NOXRED1: variants seen among roughly 807,000 people sequenced by gnomAD.
The protein encoded by NOXRED1 is NADP dependent oxidoreductase domain containing 1.
NOXRED1 carries 20 observed loss-of-function variants against 30.4 expected under a neutral mutation model. The ratio of observed to expected loss-of-function variants is 0.66; its 90% CI spans 0.46 to 0.96. The LOEUF (loss-of-function observed/expected upper bound fraction) is 0.96, where lower values mean the gene tolerates loss of function less well. Ranked by LOEUF, NOXRED1 falls within the 40% of genes least tolerant of loss-of-function variation. The pLI, the probability that NOXRED1 is intolerant of heterozygous loss-of-function variation, is 0.00. For missense variants in NOXRED1, 374 were observed against 428.0 expected, an observed-to-expected ratio of 0.87 and a Z score of 1.11; for synonymous variants, 155 against 168.0, an observed-to-expected ratio of 0.92 and a Z score of 0.60.
chr14:77,401,578 G>T (rs114010664), intron 5 of NOXRED1, among the ~76,000 whole-genome samples: 272 of 152,262 alleles, frequency 1.8e-3, no homozygotes, highest in African/African-American at 6.2e-3. Context: ...TGCACCTGTA[G>T]TTCTGTAGTT....
At chr14:77,424,686 C>G (rs557636979), upstream of NOXRED1, among the ~76,000 whole-genome samples, 1 of 152,310 alleles carries the variant, frequency 6.6e-6, no homozygotes, top group South Asian at 2.1e-4. Context: ...GACATGAATT[C>G]TAGGCCTATC....
intron 5 of NOXRED1, 91 bp from the exon 6 acceptor site, chr14:77,394,896 A>T: frequency 2.3e-6 from 2 of 860,134 alleles, no homozygotes; most frequent in African/African-American, 3.4e-5. Flanking sequence ...AGTTTTCCTC[A>T]TTACCTTTTC....
At chr14:77,409,657 T>C (rs1894589677) in intron 2 of NOXRED1, among the ~76,000 whole-genome samples, 1 of 152,212 alleles carries the variant, frequency 6.6e-6, no homozygotes, top group African/African-American at 2.4e-5. Flanking sequence ...ATGTTGAGCA[T>C]TTTGAATTAT....
intron 5 of NOXRED1, among the ~76,000 whole-genome samples, chr14:77,404,703 C>A (rs1297145351): frequency 6.6e-6 from 1 of 151,862 alleles, no homozygotes; most frequent in East Asian, 1.9e-4. Context: ...AGAAGCTAGC[C>A]AAGGAGGGGC....
intron 2 of NOXRED1, 33 bp downstream of exon 2, chr14:77,413,901 C>T: frequency 6.7e-7 from 1 of 1,497,374 alleles, no homozygotes; most frequent in Non-Finnish European, 9.0e-7. Flanking sequence ...ACAGCACAAC[C>T]AAGCCCCCTT....
intron 1 of NOXRED1, among the ~76,000 whole-genome samples, chr14:77,415,437 G>A (rs1429297914): frequency 4.6e-5 from 7 of 152,016 alleles, no homozygotes; most frequent in Admixed American, 4.6e-4. Flanking sequence ...CAGCATGATG[G>A]TGTAAACCTG....
At chr14:77,418,766 C>T (rs1245304541) in intron 1 of NOXRED1, among the ~76,000 whole-genome samples, 26 of 152,062 alleles carry the variant, frequency 1.7e-4, no homozygotes, top group Admixed American at 1.3e-3. Flanking sequence ...TAAGCCCAAG[C>T]AATTCTCCTG....
intron 2 of NOXRED1, among the ~76,000 whole-genome samples, chr14:77,408,892 A>ATTTTTTTTTTTTTTTTTTTTTTT (rs1177680524): frequency 0.021 from 1,450 of 68,156 alleles, 489 homozygotes; most frequent in South Asian, 0.033. Context: ...CTGGTAGTTA[A>ATTTTTTTTTTTTTTTTTTTTTTT]TTTTTTTTTT....
At chr14:77,397,284 C>A (rs1894213284) in intron 5 of NOXRED1, among the ~76,000 whole-genome samples, 1 of 152,178 alleles carries the variant, frequency 6.6e-6, no homozygotes, top group Admixed American at 6.5e-5. Context: ...TGAAAAAAGC[C>A]AGTTTCAAAA....
At chr14:77,416,579 T>C (rs1457241983) in intron 1 of NOXRED1, among the ~76,000 whole-genome samples, 1 of 152,192 alleles carries the variant, frequency 6.6e-6, no homozygotes. Flanking sequence ...CAGAACAAAA[T>C]GAAAAGTCTC....
chr14:77,406,473 A>T, intron 4 of NOXRED1: 1 of 601,216 alleles, frequency 1.7e-6, no homozygotes, highest in Non-Finnish European at 3.0e-6. Context: ...GTCCAACATT[A>T]CATCCTCCTA....
At chr14:77,405,780 G>A in intron 5 of NOXRED1, 133 bp downstream of exon 5, 1 of 623,858 alleles carries the variant, frequency 1.6e-6, no homozygotes, top group Non-Finnish European at 2.8e-6. Flanking sequence ...TTTTCCACTA[G>A]TTGAAATTCT....
chr14:77,403,016 C>T (rs1894368524), intron 5 of NOXRED1, among the ~76,000 whole-genome samples: 2 of 151,434 alleles, frequency 1.3e-5, no homozygotes, highest in African/African-American at 4.9e-5. Context: ...GCTTGGGCAA[C>T]AGAAGTGAAA....
upstream of NOXRED1, among the ~76,000 whole-genome samples, chr14:77,424,903 A>G (rs2139710607): frequency 6.6e-6 from 1 of 152,270 alleles, no homozygotes; most frequent in Middle Eastern, 3.4e-3. Context: ...CAGGGGAAGT[A>G]CTTTTGTAGT....
intron 2 of NOXRED1, among the ~76,000 whole-genome samples, chr14:77,408,892 A>ATTGTTTTTTT (rs1894556100): frequency 1.5e-5 from 1 of 68,154 alleles, no homozygotes; most frequent in Non-Finnish European, 2.7e-5. Flanking sequence ...CTGGTAGTTA[A>ATTGTTTTTTT]TTTTTTTTTT....
intron 5 of NOXRED1, among the ~76,000 whole-genome samples, chr14:77,403,635 G>C (rs1362969046): frequency 6.6e-6 from 1 of 152,026 alleles, no homozygotes; most frequent in Middle Eastern, 3.2e-3. Context: ...TCCAGCCTGG[G>C]CAGCAGAGTA....
chr14:77,408,159 C>T lies in NOXRED1; in HGVS notation c.350-514G>A, dbSNP rs554790877. On this transcript the variant is annotated intron_variant, in intron 2 of 5. Transcript: ENST00000380835. ...CAGGGATTACAGGCGTGAGCCACCA[C>T]GCCTGGCCTATAATTCACCTTTATC... 7.2e-5 allele frequency among the ~76,000 whole-genome samples: 11 copies of T among 152,144 alleles called. No individual in the cohort carries two copies. The East Asian group carries it at 9.7e-4, about 13-fold the overall frequency.
intron 1 of NOXRED1, among the ~76,000 whole-genome samples, chr14:77,417,890 A>AT (rs35970109): frequency 0.01 from 1,392 of 137,238 alleles, 42 homozygotes; most frequent in Admixed American, 0.063. Context: ...TATTTCACTG[A>AT]TTTTTTTTTT....
chr14:77,399,116 C>G (rs1207142191), intron 5 of NOXRED1, among the ~76,000 whole-genome samples: 1 of 152,154 alleles, frequency 6.6e-6, no homozygotes, highest in East Asian at 1.9e-4. Flanking sequence ...GAACAAGCAT[C>G]AGAACCACAT....
Sources: gnomAD v4.1 joint callset for allele counts (sites outside exome capture counted in the v4.1 genomes callset) on GRCh38, gnomAD v4.1.1 for gene constraint, MANE v1.5 for transcripts, NCBI Gene and HGNC (gene_info 2026-07-23, HGNC 2026-07-21) for gene names.